Variants in SGCD observed in about 807,000 individuals in gnomAD.
SGCD encodes delta-sarcoglycan.
In SGCD, 18 loss-of-function variants were observed where a neutral mutation model predicts 36.6. The ratio of observed to expected loss-of-function variants is 0.49; its 90% CI spans 0.34 to 0.73. SGCD has a LOEUF of 0.73. SGCD is among the 30% of genes least tolerant of loss of function. SGCD has a pLI of 0.01. For missense variants in SGCD, 387 were observed against 346.7 expected (o/e 1.12, Z -0.92); for synonymous variants, 133 against 130.6 (o/e 1.02, Z -0.12).
chr5:155,840,324 A>G, the SGCD span, among the ~76,000 whole-genome samples: 1 of 149,914 alleles, frequency 6.7e-6, no homozygotes, highest in African/African-American at 2.5e-5. Context: ...GCTCACTGCA[A>G]GCTCCACCTC....
At chr5:156,522,152 C>G (rs1757436631) in intron 4 of SGCD, among the ~76,000 whole-genome samples, 1 of 151,786 alleles carries the variant, frequency 6.6e-6, no homozygotes, top group Non-Finnish European at 1.5e-5. Context: ...ATGAGAACAC[C>G]TGGACACAGG....
chr5:156,169,887 A>G (rs1763302262), intron 3 of SGCD, among the ~76,000 whole-genome samples: 1 of 152,182 alleles, frequency 6.6e-6, no homozygotes, highest in Non-Finnish European at 1.5e-5. Flanking sequence ...TTCACACCAT[A>G]GAGAGCCTTA....
At chr5:156,698,186 T>A (rs1754392768) in intron 7 of SGCD, among the ~76,000 whole-genome samples, 1 of 152,150 alleles carries the variant, frequency 6.6e-6, no homozygotes, top group South Asian at 2.1e-4. Flanking sequence ...GTAGGACAAT[T>A]TAGAAACCTC....
chr5:156,216,325 G>A (rs1026089082), intron 3 of SGCD, among the ~76,000 whole-genome samples: 7 of 152,194 alleles, frequency 4.6e-5, no homozygotes, highest in Admixed American at 6.5e-5. Flanking sequence ...AAATGTTCTC[G>A]CAACAAAAAT....
intron 7 of SGCD, among the ~76,000 whole-genome samples, chr5:156,683,531 T>G (rs1054808408): frequency 1.3e-5 from 2 of 152,260 alleles, no homozygotes; most frequent in Admixed American, 1.3e-4. Flanking sequence ...TTTGCTGAGT[T>G]ATAGAAATTC....
chr5:156,167,557 T>C (rs4704979), intron 3 of SGCD, among the ~76,000 whole-genome samples: 29,557 of 151,902 alleles, frequency 0.19, 3,967 homozygotes, highest in East Asian at 0.6. Context: ...ATCATAAGGG[T>C]GAATCCCTCA....
chr5:156,338,239 CT>C (rs539885649), intron 2 of SGCD, among the ~76,000 whole-genome samples: 50 of 152,270 alleles, frequency 3.3e-4, no homozygotes, highest in Admixed American at 1.4e-3. Flanking sequence ...AATGTAGATA[CT>C]GTAACTATTT....
intron 3 of SGCD, among the ~76,000 whole-genome samples, chr5:156,138,731 T>A (rs1165063665): frequency 1.3e-5 from 2 of 152,242 alleles, no homozygotes; most frequent in Non-Finnish European, 2.9e-5. Flanking sequence ...ATTTCTGTGA[T>A]GTGGGGTAGG....
intron 6 of SGCD, among the ~76,000 whole-genome samples, chr5:156,601,111 CTT>C (rs1172802703): frequency 6.6e-6 from 1 of 152,034 alleles, no homozygotes; most frequent in Non-Finnish European, 1.5e-5. Flanking sequence ...TCTTCTTTCT[CTT>C]GTTTCCTTGG....
intron 3 of SGCD, among the ~76,000 whole-genome samples, chr5:156,267,511 C>T (rs1363149334): frequency 6.6e-6 from 1 of 152,306 alleles, no homozygotes; most frequent in East Asian, 1.9e-4. Flanking sequence ...GGCTTTCTAG[C>T]GGTTTTTCGG....
chr5:155,920,613 A>G (rs1265865593), intron 1 of SGCD, among the ~76,000 whole-genome samples: 2 of 152,198 alleles, frequency 1.3e-5, no homozygotes, highest in African/African-American at 4.8e-5. Context: ...CCAGTCCTAC[A>G]TGAAGCTCTG....
chr5:156,636,907 A>G (rs281047), intron 6 of SGCD, among the ~76,000 whole-genome samples: 45,162 of 152,074 alleles, frequency 0.3, 7,788 homozygotes, highest in African/African-American at 0.48. Context: ...CTTTAGGCAG[A>G]TTGAGCAACA....
intron 3 of SGCD, among the ~76,000 whole-genome samples, chr5:156,507,819 T>C (rs575047783): frequency 6.6e-6 from 1 of 152,350 alleles, no homozygotes; most frequent in South Asian, 2.1e-4. Context: ...GTATTTTATG[T>C]AGCAAACAAT....
chr5:156,117,852 G>A (rs570421029), intron 1 of SGCD: 4 of 152,110 alleles, frequency 2.6e-5, no homozygotes, highest in Admixed American at 6.6e-5. Context: ...GGTTTTTGCT[G>A]AGCATCCTTT....
chr5:156,278,101 C>G (rs1435280781), intron 3 of SGCD, among the ~76,000 whole-genome samples: 1 of 152,066 alleles, frequency 6.6e-6, no homozygotes, highest in East Asian at 1.9e-4. Context: ...AGGAGCCAAT[C>G]ATGTGGAAAT....
At position 156,054,682 on chromosome 5, in the gene SGCD, C is replaced by G. The variant is rs139454914; in HGVS notation, c.-281-63196C>G. On this transcript the variant is annotated intron_variant, in intron 1 of 9. Transcript: ENST00000517913. ...TGCAATATTAATGTATTTTCAGAAGCCTTTCTTTATCATATACATGTGTAT... is the reference window on the plus strand; with the variant it reads ...TGCAATATTAATGTATTTTCAGAAGGCTTTCTTTATCATATACATGTGTAT... 2.5e-3 allele frequency among the ~76,000 whole-genome samples: 374 copies of G among 146,804 alleles called. 25 individuals carry two copies. Among genetic ancestry groups the G allele is most frequent in the African/African-American group, 9.0e-3 (366 of 40,876 alleles).
chr5:155,743,899 A>C, the SGCD span, among the ~76,000 whole-genome samples: 2 of 152,334 alleles, frequency 1.3e-5, no homozygotes, highest in Middle Eastern at 3.4e-3. Flanking sequence ...TCTGAACCCA[A>C]GATTCCTGCA....
At chr5:156,045,947 C>T (rs1402689723) in intron 1 of SGCD, among the ~76,000 whole-genome samples, 1 of 152,124 alleles carries the variant, frequency 6.6e-6, no homozygotes, top group Non-Finnish European at 1.5e-5. Context: ...CTGAATCTTG[C>T]ATAGCTCCTC....
intron 3 of SGCD, among the ~76,000 whole-genome samples, chr5:156,423,365 A>C (rs62382665): frequency 9.3e-6 from 1 of 107,754 alleles, no homozygotes; most frequent in Non-Finnish European, 1.7e-5. Flanking sequence ...ATTATAATAT[A>C]TTATATTTTA....
Sources: gnomAD v4.1 joint callset for allele counts (sites outside exome capture counted in the v4.1 genomes callset) on GRCh38, gnomAD v4.1.1 for gene constraint, MANE v1.5 for transcripts, NCBI Gene and HGNC (gene_info 2026-07-23, HGNC 2026-07-21) for gene names.